The following ADGRB3 variants were observed in gnomAD, a reference collection of about 807,000 sequenced individuals.
ADGRB3 encodes the protein adhesion G protein-coupled receptor B3.
ADGRB3 carries 37 observed loss-of-function variants against 193.4 expected under a neutral mutation model. That is an observed-to-expected ratio of 0.19 (90% CI 0.15 to 0.25). The LOEUF (loss-of-function observed/expected upper bound fraction) is 0.25, where lower values mean the gene tolerates loss of function less well. ADGRB3 is among the 10% of genes least tolerant of loss of function. The probability of loss-of-function intolerance (pLI) is 1.00; values close to 1 mark genes in which losing one functional copy is unlikely to be tolerated. For synonymous variants in ADGRB3, 690 were observed against 644.2 expected (o/e 1.07, Z -1.08); for missense variants, 1,637 against 1,852.9 (o/e 0.88, Z 2.14).
Position 69,235,048 on chromosome 6 carries a change from G to A in ADGRB3, c.2624G>A (p.Gly875Asp), listed in dbSNP as rs1452631834. Residue 875 changes from glycine (G) to aspartate (D), a missense_variant, in exon 19 of 32, where the codon GGC becomes GAC. By Grantham distance (94) the Gly-to-Asp change is moderately conservative (BLOSUM62 -1). This residue lies in a region of ADGRB3 where 641 missense variants were observed against 673.9 expected (regional missense o/e 0.95). Transcript: ENST00000370598. The part of the protein sequence containing the change: ...QPREIIMESS[G>D]TPSVTLIVGS... The stretch of plus-strand genomic sequence containing the variant: ...AATTCACAGATCATGGAATCCTCTG[G>A]CACACCTTCAGTTACCCTAATAGTA... 9 of 1,611,982 alleles carry A rather than the reference G, an allele frequency of 5.6e-6. No individual in the cohort carries two copies. Among genetic ancestry groups the A allele is most frequent in the Non-Finnish European group, 6.8e-6 (8 of 1,178,494 alleles).
chr6:69,332,600 T>A, intron 23 of ADGRB3: 1 of 985,464 alleles, frequency 1.0e-6, no homozygotes, highest in Non-Finnish European at 1.2e-6. Flanking sequence ...ATGATTTTAC[T>A]CAGGGTTGAC....
chr6:69,022,426 T>C (rs1225843372), intron 13 of ADGRB3, among the ~76,000 whole-genome samples: 2 of 151,914 alleles, frequency 1.3e-5, no homozygotes, highest in South Asian at 2.1e-4. Flanking sequence ...TATTTTTCAA[T>C]GAAAATATTA....
intron 3 of ADGRB3, among the ~76,000 whole-genome samples, chr6:68,652,638 A>C (rs1768394517): frequency 6.6e-6 from 1 of 152,170 alleles, no homozygotes; most frequent in African/African-American, 2.4e-5. Flanking sequence ...TAAAATTTTT[A>C]AGTACAATTG....
chr6:68,652,963 C>T (rs1307211882), intron 3 of ADGRB3, among the ~76,000 whole-genome samples: 1 of 152,100 alleles, frequency 6.6e-6, no homozygotes, highest in Non-Finnish European at 1.5e-5. Context: ...GTTACAGACT[C>T]CTACCATTCT....
intron 11 of ADGRB3, among the ~76,000 whole-genome samples, chr6:69,013,386 A>G (rs1489271001): frequency 1.3e-5 from 2 of 152,136 alleles, no homozygotes; most frequent in African/African-American, 4.8e-5. Flanking sequence ...GATGGCAAGG[A>G]TGTTATATGT....
chr6:68,877,526 A>G (rs1488486312), intron 3 of ADGRB3, among the ~76,000 whole-genome samples: 2 of 152,112 alleles, frequency 1.3e-5, no homozygotes, highest in African/African-American at 4.8e-5. Context: ...ATTTGTTCAC[A>G]GTTATACTTT....
intron 3 of ADGRB3, among the ~76,000 whole-genome samples, chr6:68,836,600 A>T (rs1478572337): frequency 1.3e-5 from 2 of 152,138 alleles, no homozygotes; most frequent in African/African-American, 4.8e-5. Context: ...GTATGGATAG[A>T]TGTTTAATCT....
intron 20 of ADGRB3, among the ~76,000 whole-genome samples, chr6:69,299,243 GT>G (rs951877123): frequency 3.3e-5 from 5 of 151,442 alleles, no homozygotes; most frequent in African/African-American, 1.2e-4. Context: ...TGTCTTTTGG[GT>G]TTTTTGTTTT....
chr6:68,985,508 C>T (rs141671162), intron 10 of ADGRB3, among the ~76,000 whole-genome samples: 4 of 152,238 alleles, frequency 2.6e-5, no homozygotes, highest in Non-Finnish European at 4.4e-5. Context: ...GAGGATTGTA[C>T]TTCCTCACCC....
At chr6:68,854,855 G>A (rs1279376765) in intron 3 of ADGRB3, among the ~76,000 whole-genome samples, 1 of 152,136 alleles carries the variant, frequency 6.6e-6, no homozygotes, top group African/African-American at 2.4e-5. Flanking sequence ...GCAGACTTCA[G>A]AGTCTCTCCC....
intron 16 of ADGRB3, among the ~76,000 whole-genome samples, chr6:69,069,376 G>T (rs1440859300): frequency 2.6e-5 from 4 of 151,542 alleles, no homozygotes; most frequent in Non-Finnish European, 5.9e-5. Context: ...GGATTTGACT[G>T]TGGAAAAATT....
rs77442898 is a variant in ADGRB3 at position 69,254,102 on chromosome 6, A to G, written c.2814+14876A>G. Reference sequence around the variant, plus strand: ...AAGGACCAGAATGTATGCCAAGCAAACACCCTTTAACTTTATTTACAGTAA... The same window carrying G: ...AAGGACCAGAATGTATGCCAAGCAAGCACCCTTTAACTTTATTTACAGTAA... On this transcript the variant is annotated intron_variant, in intron 20 of 31. Transcript: ENST00000370598. 3.3e-3 allele frequency among the ~76,000 whole-genome samples: 495 copies of G among 152,296 alleles called. 1 individual carries two copies. The highest frequency in any genetic ancestry group is 0.011 in the African/African-American group (467 of 41,570).
chr6:69,184,248 C>T (rs1765018246), intron 17 of ADGRB3, among the ~76,000 whole-genome samples: 1 of 152,052 alleles, frequency 6.6e-6, no homozygotes, highest in African/African-American at 2.4e-5. Context: ...CATCAGCTGG[C>T]TTCTAATGTC....
At chr6:69,161,300 G>T (rs1774979088) in intron 17 of ADGRB3, among the ~76,000 whole-genome samples, 1 of 152,064 alleles carries the variant, frequency 6.6e-6, no homozygotes, top group South Asian at 2.1e-4. Context: ...GACTGCAACT[G>T]CTGAAATTGG....
rs1423377428 is a variant in ADGRB3 at position 69,338,871 on chromosome 6, A to G, written c.3189-45A>G. The G allele has an allele frequency of 1.9e-6, 3 of 1,551,858 alleles. No homozygotes were observed. The African/African-American group carries it at 4.1e-5, about 21-fold the overall frequency. ...GAAGCAGCAATTTTTTTTTGGTGAC[A>G]ATTCAATATTTTGTTCTTTTTGTGG... On this transcript the variant is annotated intron_variant, in intron 24 of 31. Transcript: ENST00000370598.
chr6:68,796,958 A>G (rs997435384), intron 3 of ADGRB3, among the ~76,000 whole-genome samples: 49 of 152,304 alleles, frequency 3.2e-4, no homozygotes, highest in African/African-American at 1.1e-3. Context: ...AAATGCTTCC[A>G]GAGACATGAA....
intron 17 of ADGRB3, among the ~76,000 whole-genome samples, chr6:69,156,239 T>G (rs929862905): frequency 1.3e-5 from 2 of 152,120 alleles, no homozygotes. Flanking sequence ...CAGAAAATGG[T>G]TAAATTATGT....
intron 3 of ADGRB3, among the ~76,000 whole-genome samples, chr6:68,792,316 C>T (rs1440735512): frequency 6.6e-6 from 1 of 152,224 alleles, no homozygotes; most frequent in Non-Finnish European, 1.5e-5. Context: ...AAAGTCAAAC[C>T]GAACAGTAGA....
rs1774000751 is a variant in ADGRB3 at position 69,131,278 on chromosome 6, C to G, written c.2480+55240C>G. Among the ~76,000 whole-genome samples the G allele has an allele frequency of 1.3e-5, 2 of 151,996 alleles. 1 individual carries two copies. The highest frequency in any genetic ancestry group is 4.1e-4 in the South Asian group (2 of 4,824). On this transcript the variant is annotated intron_variant, in intron 17 of 31. Transcript: ENST00000370598. ...GGATCAAGAAATGACACTGAAAATT[C>G]CCAGTATGTCTAACACCAAACAATA...
Sources: allele counts gnomAD v4.1 joint callset (sites outside exome capture counted in the v4.1 genomes callset), GRCh38; gene constraint gnomAD v4.1.1; regional missense constraint gnomAD v4.1.1; transcripts MANE v1.5; gene names NCBI Gene and HGNC (gene_info 2026-07-23, HGNC 2026-07-21).